The following KIF17 variants were observed in gnomAD, a reference collection of about 807,000 sequenced individuals.
KIF17 encodes kinesin family member 17.
KIF17 carries 80 observed loss-of-function variants against 96.8 expected under a neutral mutation model. The observed-to-expected ratio is 0.83, with a 90% CI of 0.69 to 1.00. KIF17 has a LOEUF of 1.00. KIF17 is among the 50% of genes least tolerant of loss of function. The pLI, the probability that KIF17 is intolerant of heterozygous loss-of-function variation, is 0.00. For synonymous variants in KIF17, 567 were observed against 587.5 expected, an observed-to-expected ratio of 0.97 and a Z score of 0.51; for missense variants, 1,280 against 1,372.9, an observed-to-expected ratio of 0.93 and a Z score of 1.07.
In KIF17 at chr1:20,674,806, TTGACAAGACTGTC is replaced by T. The variant is rs2053709234; in HGVS notation, c.2464-2623_2464-2611del. Among the ~76,000 whole-genome samples, 5 of 152,260 alleles carry T rather than the reference TTGACAAGACTGTC, an allele frequency of 3.3e-5. 1 individual carries two copies. In the South Asian group the frequency reaches 1.0e-3, roughly 32 times the overall value. On this transcript the variant is annotated intron_variant, in intron 11 of 14. Transcript: ENST00000400463. ...TATCCAGTTGTCCCCGCACCATTTATTGACAAGACTGTCCTTTCACCACTGAATTATCTTGGCA... is the reference window on the plus strand; with the variant it reads ...TATCCAGTTGTCCCCGCACCATTTATCTTTCACCACTGAATTATCTTGGCA...
At chr1:20,668,028 T>A (rs985847983) in intron 13 of KIF17, among the ~76,000 whole-genome samples, 2 of 128,244 alleles carry the variant, frequency 1.6e-5, no homozygotes, top group Non-Finnish European at 1.6e-5. Context: ...AAAAAAGAGG[T>A]GGCCGGGCGC....
At chr1:20,714,092 C>T (rs1384157974) in intron 2 of KIF17, among the ~76,000 whole-genome samples, 2 of 152,104 alleles carry the variant, frequency 1.3e-5, no homozygotes, top group Non-Finnish European at 2.9e-5. Flanking sequence ...CTTTGGGAGG[C>T]CAAGGCAGGC....
At position 20,715,591 on chromosome 1, in the gene KIF17, C is replaced by G; in HGVS notation, c.280G>C (p.Gly94Arg). ...NGTIFAYGQT[G>R]SGKSFTMQGL... The stretch of plus-strand genomic sequence containing the variant: ...TGCATGGTGAAGGACTTCCCGCTGC[C>G]TGTCTGGCCGTAGGCAAAGATGGTG... The change falls in exon 2 of 15, where the codon GGC becomes CGC. Residue 94 changes from glycine to arginine, a missense_variant. By Grantham distance (125) the Gly-to-Arg change is moderately radical. Transcript: ENST00000400463. The G allele has an allele frequency of 1.2e-6, 2 of 1,613,368 alleles. No individual in the cohort carries two copies. The highest frequency in any genetic ancestry group is 1.7e-6 in the Non-Finnish European group (2 of 1,179,686).
intron 11 of KIF17, among the ~76,000 whole-genome samples, chr1:20,675,447 CA>C (rs34630887): frequency 0.14 from 17,372 of 121,872 alleles, 1,049 homozygotes; most frequent in Middle Eastern, 0.25. Context: ...GACTCTGTCT[CA>C]AAAAAAAAAA....
At chr1:20,689,819 C>T (rs150234019) in intron 7 of KIF17, among the ~76,000 whole-genome samples, 35 of 152,240 alleles carry the variant, frequency 2.3e-4, no homozygotes, top group African/African-American at 8.2e-4. Context: ...CAGGGACTGG[C>T]CTCTAAAGAA....
chr1:20,682,783 C>A lies in KIF17; in HGVS notation c.2333G>T (p.Arg778Met). 6.2e-7 allele frequency: 1 copy of A among 1,612,882 alleles called. No individual in the cohort carries two copies. Among genetic ancestry groups the A allele is most frequent in the Non-Finnish European group, 8.5e-7 (1 of 1,180,036 alleles). ...CTGCAGGGCAGCCACCAGCTGCTTCCTGCGCTCGTCTGCGTAGCGCTTGCG... is the reference window on the plus strand; with the variant it reads ...CTGCAGGGCAGCCACCAGCTGCTTCATGCGCTCGTCTGCGTAGCGCTTGCG... ...KRRKRYADER[R>M]KQLVAALQNS... Residue 778 changes from arginine to methionine, a missense_variant, in exon 11 of 15, where the codon AGG becomes ATG. Arg to Met is a moderately conservative substitution (Grantham distance 91). Transcript: ENST00000400463.
Position 20,712,819 on chromosome 1 carries a change from T to A in KIF17, c.480+635A>T, listed in dbSNP as rs767260132. 1.0e-4 allele frequency among the ~76,000 whole-genome samples: 9 copies of A among 89,126 alleles called. 1 individual carries two copies. Among genetic ancestry groups the A allele is most frequent in the African/African-American group, 4.1e-4 (9 of 21,764 alleles). 58.5% of individuals were successfully genotyped at this position (89,126 alleles called of 152,430 possible). A position where few individuals can be genotyped will look rare whatever the true frequency, so the allele number is the denominator to read the frequency against. ...AAATAGATAATATCTATATATATAA[T>A]ATAGATATTATCTATATTATAGATA... On this transcript the variant is annotated intron_variant, in intron 3 of 14. Coordinates refer to ENST00000400463, the MANE Select transcript of KIF17 (RefSeq NM_001122819.3).
In KIF17 at chr1:20,682,658, TC is replaced by T; in HGVS notation, c.2457del (p.Arg820GlyfsTer48). 6.2e-7 allele frequency: 1 copy of T among 1,614,018 alleles called. No homozygotes were observed. Among genetic ancestry groups the T allele is most frequent in the Non-Finnish European group, 8.5e-7 (1 of 1,179,998 alleles). Reference sequence around the variant, plus strand: ...GGGCTGCATCTGGGCCTCACCTTCCTCTGCATCTTCTCCAGCAGCTTGCTCT... The same window carrying T: ...GGGCTGCATCTGGGCCTCACCTTCCTTGCATCTTCTCCAGCAGCTTGCTCT... ...RAKSKLLEKM[Q>X]RKLRAAEVEI... On this transcript the variant is annotated frameshift_variant, in exon 11 of 15. Coordinates refer to ENST00000400463, the MANE Select transcript of KIF17 (RefSeq NM_001122819.3). LOFTEE classifies it high-confidence loss of function.
chr1:20,717,533 G>A lies in KIF17; in HGVS notation c.174C>T (p.Tyr58=), dbSNP rs773470934. ...TCTGCTCGGTGACGTGGTCCACGTG[G>A]TAGGCGCCGTCGAAGGTGAACTGCT... The part of the protein sequence containing the change: ...PPKQFTFDGA[Y]HVDHVTEQIY... The change falls in exon 1 of 15, where the codon TAC becomes TAT. Residue 58 remains tyrosine, a synonymous_variant. Transcript: ENST00000400463. The A allele has an allele frequency of 1.9e-6, 3 of 1,611,920 alleles. No individual in the cohort carries two copies. Among genetic ancestry groups the A allele is most frequent in the South Asian group, 2.2e-5 (2 of 91,074 alleles).
At chr1:20,713,416 C>G in intron 3 of KIF17, 38 bp downstream of exon 3, 1 of 1,505,472 alleles carries the variant, frequency 6.6e-7, no homozygotes, top group South Asian at 1.1e-5. Flanking sequence ...AACCTCCCCC[C>G]TACCAGCCCC....
chr1:20,693,386 T>A (rs537489217), intron 6 of KIF17, among the ~76,000 whole-genome samples: 16 of 151,428 alleles, frequency 1.1e-4, no homozygotes, highest in African/African-American at 3.9e-4. Context: ...CACCTCAGCC[T>A]CCCGAGAAGC....
Position 20,717,607 on chromosome 1 carries a change from G to A in KIF17, c.100C>T (p.Arg34Cys), listed in dbSNP as rs770860704. ...GGGTTCTGGATGCAGCACTGGGCGC[G>A]CGCGCAGTCCACAGTCACCACGGGC... is the stretch of plus-strand genomic sequence containing the variant. Reference protein sequence around the residue: ...CQPVVTVDCARAQCCIQNPGA... With the variant: ...CQPVVTVDCACAQCCIQNPGA... The change falls in exon 1 of 15, where the codon CGC becomes TGC. Residue 34 changes from arginine to cysteine, a missense_variant. By Grantham distance (180) the Arg-to-Cys change is radical. Transcript: ENST00000400463. 1 of 1,610,502 alleles carries A rather than the reference G, an allele frequency of 6.2e-7. No individual in the cohort carries two copies. The highest frequency in any genetic ancestry group is 8.5e-7 in the Non-Finnish European group (1 of 1,179,434).
At chr1:20,688,385 A>G (rs2053978832) in intron 7 of KIF17, among the ~76,000 whole-genome samples, 1 of 152,210 alleles carries the variant, frequency 6.6e-6, no homozygotes, top group African/African-American at 2.4e-5. Context: ...CTTAAGAGTC[A>G]GAGCCTCCCA....
In KIF17 at chr1:20,700,151, A is replaced by C. The variant is rs1408278743; in HGVS notation, c.1124-1663T>G. 6.8e-6 allele frequency among the ~76,000 whole-genome samples: 1 copy of C among 146,870 alleles called. No individual in the cohort carries two copies. Among genetic ancestry groups the C allele is most frequent in the African/African-American group, 2.5e-5 (1 of 39,718 alleles). ...AATCGTGTGATCTCGGCTCACTGCA[A>C]CCTCCCTCTCCCAGGTTCAAGTGAT... On this transcript the variant is annotated intron_variant, in intron 5 of 14. Coordinates refer to ENST00000400463, the MANE Select transcript of KIF17 (RefSeq NM_001122819.3). The surrounding 1 kb of genome is among the most constrained non-coding windows in gnomAD (Gnocchi z 4.6).
At chr1:20,679,621 C>T (rs963000157) in intron 11 of KIF17, among the ~76,000 whole-genome samples, 6 of 152,194 alleles carry the variant, frequency 3.9e-5, no homozygotes, top group Non-Finnish European at 8.8e-5. Flanking sequence ...CTGCTTCCCA[C>T]TCTGGCTGTC....
At chr1:20,703,241 G>C (rs1191477981) in intron 5 of KIF17, among the ~76,000 whole-genome samples, 1 of 152,064 alleles carries the variant, frequency 6.6e-6, no homozygotes, top group East Asian at 1.9e-4. Flanking sequence ...AGGATCTCTG[G>C]ATGAATAGAT....
At chr1:20,671,850 C>A in intron 12 of KIF17, 88 bp downstream of exon 12, 1 of 1,507,748 alleles carries the variant, frequency 6.6e-7, no homozygotes, top group Non-Finnish European at 9.0e-7. Flanking sequence ...CCACAGCCTG[C>A]AAGGAGAGGC....
rs560742510 is a variant in KIF17 at position 20,667,318 on chromosome 1, A to G, written c.2791-987T>C. Among the ~76,000 whole-genome samples, 10 of 152,258 alleles carry G rather than the reference A, an allele frequency of 6.6e-5. No homozygotes were observed. In the South Asian group the frequency reaches 1.7e-3, roughly 25 times the overall value. ...AGGGATCCAGGTTGTGGTTCTTATG[A>G]GAATCTAATGCCTGAAGATCTGTCA... On this transcript the variant is annotated intron_variant, in intron 13 of 14. Coordinates refer to ENST00000400463, the MANE Select transcript of KIF17 (RefSeq NM_001122819.3).
At chr1:20,688,785 G>A (rs943465997) in intron 7 of KIF17, among the ~76,000 whole-genome samples, 5 of 152,200 alleles carry the variant, frequency 3.3e-5, no homozygotes, top group Admixed American at 1.3e-4. Context: ...ATCTGCTGGA[G>A]GCCTCATATT....
Sources: allele counts gnomAD v4.1 joint callset (sites outside exome capture counted in the v4.1 genomes callset), GRCh38; gene constraint gnomAD v4.1.1; non-coding constraint Gnocchi (gnomAD v3.1); transcripts MANE v1.5; gene names NCBI Gene and HGNC (gene_info 2026-07-23, HGNC 2026-07-21).